The following TWIST2 variants were observed in gnomAD, a reference collection of about 807,000 sequenced individuals.
TWIST2 encodes the protein twist-related protein 2.
Under a neutral mutation model 11.6 loss-of-function variants are expected in TWIST2, and 1 was observed. That is an observed-to-expected ratio of 0.09 (90% CI 0.03 to 0.41). TWIST2 has a LOEUF of 0.41. Among genes scored for constraint, TWIST2 ranks in the 10% least tolerant of loss-of-function variants. The probability of loss-of-function intolerance (pLI) is 0.98; values close to 1 mark genes in which losing one functional copy is unlikely to be tolerated. For missense variants in TWIST2, 168 were observed against 226.4 expected (o/e 0.74, Z 1.66); for synonymous variants, 87 against 96.6 (o/e 0.90, Z 0.58).
At chr2:238,877,658 T>A (rs574581352) in intron 1 of TWIST2, among the ~76,000 whole-genome samples, 1 of 152,358 alleles carries the variant, frequency 6.6e-6, no homozygotes, top group African/African-American at 2.4e-5. Flanking sequence ...GAAAAATCTC[T>A]TAGCTAGAGA....
At chr2:238,874,167 G>A (rs1692763399) in intron 1 of TWIST2, among the ~76,000 whole-genome samples, 1 of 152,180 alleles carries the variant, frequency 6.6e-6, no homozygotes, top group African/African-American at 2.4e-5. Flanking sequence ...ACTCTCCTGA[G>A]AATTTGGGGA....
In TWIST2 at chr2:238,852,405, G is replaced by A. The variant is rs182175055; in HGVS notation, c.*35+3672G>A. On this transcript the variant is annotated intron_variant, in intron 1 of 1. Transcript: ENST00000612363. ...GGAAAGGATAAATGTGCTGCAAAAA[G>A]CAAACCAAATACAGAACTCTCCGCT... Among the ~76,000 whole-genome samples, 508 of 152,198 alleles carry A rather than the reference G, an allele frequency of 3.3e-3. 1 individual carries two copies. Among genetic ancestry groups the A allele is most frequent in the Non-Finnish European group, 6.1e-3 (416 of 68,010 alleles).
At chr2:238,869,408 A>G (rs1692605612) in intron 1 of TWIST2, among the ~76,000 whole-genome samples, 1 of 152,236 alleles carries the variant, frequency 6.6e-6, no homozygotes, top group African/African-American at 2.4e-5. Context: ...CAACAATGAA[A>G]TGACAACCTG....
chr2:238,901,412 C>T (rs1451965480), intron 1 of TWIST2, among the ~76,000 whole-genome samples: 1 of 152,054 alleles, frequency 6.6e-6, no homozygotes, highest in Non-Finnish European at 1.5e-5. Flanking sequence ...GTTTTGTTTC[C>T]TAATGGTTCC....
At chr2:238,893,908 G>A (rs1256436599) in intron 1 of TWIST2, among the ~76,000 whole-genome samples, 1 of 152,122 alleles carries the variant, frequency 6.6e-6, no homozygotes, top group African/African-American at 2.4e-5. Context: ...AGCAGGGGGT[G>A]GTGCTCTCCA....
At chr2:238,899,844 T>C (rs1033423711) in intron 1 of TWIST2, among the ~76,000 whole-genome samples, 23 of 152,206 alleles carry the variant, frequency 1.5e-4, no homozygotes, top group African/African-American at 5.5e-4. Context: ...CCAAACCGTG[T>C]CATCTTTTTA....
chr2:238,896,764 C>T (rs1355943322), intron 1 of TWIST2, among the ~76,000 whole-genome samples: 6 of 152,228 alleles, frequency 3.9e-5, no homozygotes, highest in Admixed American at 3.3e-4. Flanking sequence ...CACACACACA[C>T]ATGCTCTGGG....
chr2:238,897,805 G>A (rs1346226319), intron 1 of TWIST2, among the ~76,000 whole-genome samples: 1 of 152,238 alleles, frequency 6.6e-6, no homozygotes, highest in African/African-American at 2.4e-5. Flanking sequence ...CAAGCTGGGA[G>A]CCTACCCGGA....
chr2:238,850,879 A>C (rs1692230395), intron 1 of TWIST2, among the ~76,000 whole-genome samples: 1 of 152,218 alleles, frequency 6.6e-6, no homozygotes, highest in African/African-American at 2.4e-5. Flanking sequence ...AAGAGAAAAG[A>C]AATATGGAAA....
chr2:238,853,067 C>CTG (rs1160678184), intron 1 of TWIST2, among the ~76,000 whole-genome samples: 1 of 151,942 alleles, frequency 6.6e-6, no homozygotes, highest in Non-Finnish European at 1.5e-5. Context: ...AAGTGGTTCC[C>CTG]TGTAAGTCTT....
intron 1 of TWIST2, among the ~76,000 whole-genome samples, chr2:238,871,630 A>C: frequency 9.8e-5 from 9 of 92,288 alleles, no homozygotes; most frequent in South Asian, 5.2e-4. Flanking sequence ...CACACCCACC[A>C]CACACCCCAC....
At chr2:238,909,803 G>A (rs1449482342) in intron 1 of TWIST2, 39 bp from the exon 2 acceptor site, 2 of 152,244 alleles carry the variant, frequency 1.3e-5, no homozygotes, top group Admixed American at 6.5e-5. Flanking sequence ...GGCCGAGCGA[G>A]GCGGCCGTAG....
At chr2:238,895,551 C>T (rs1321662834) in intron 1 of TWIST2, among the ~76,000 whole-genome samples, 2 of 152,210 alleles carry the variant, frequency 1.3e-5, no homozygotes, top group South Asian at 2.1e-4. Flanking sequence ...GTACTGGGAG[C>T]GGTGGGATGC....
At chr2:238,876,810 T>C (rs755349122) in intron 1 of TWIST2, among the ~76,000 whole-genome samples, 1 of 152,134 alleles carries the variant, frequency 6.6e-6, no homozygotes, top group Non-Finnish European at 1.5e-5. Context: ...ATGTATGCAA[T>C]GAGGCACATC....
chr2:238,861,337 C>T (rs564204054), intron 1 of TWIST2, among the ~76,000 whole-genome samples: 12 of 152,316 alleles, frequency 7.9e-5, no homozygotes, highest in Admixed American at 5.9e-4. Context: ...CTCTCCTTTC[C>T]GGCCACTTCT....
At chr2:238,882,245 G>A (rs1692949408) in intron 1 of TWIST2, among the ~76,000 whole-genome samples, 2 of 152,144 alleles carry the variant, frequency 1.3e-5, no homozygotes, top group African/African-American at 2.4e-5. Flanking sequence ...CTGAGCCTGA[G>A]GGTCTGCTGT....
intron 1 of TWIST2, among the ~76,000 whole-genome samples, chr2:238,905,870 C>T (rs1403028086): frequency 3.3e-5 from 5 of 149,798 alleles, no homozygotes; most frequent in Admixed American, 6.6e-5. Context: ...TGTGTGCGTG[C>T]GTGTGTGTGC....
intron 1 of TWIST2, among the ~76,000 whole-genome samples, chr2:238,902,495 TGTGA>T (rs1248480269): frequency 1.4e-5 from 2 of 142,912 alleles, no homozygotes; most frequent in Non-Finnish European, 3.1e-5. Context: ...TGATGTGGAG[TGTGA>T]GTGATGTAGG....
intron 1 of TWIST2, among the ~76,000 whole-genome samples, chr2:238,905,802 A>G (rs1363193490): frequency 6.6e-6 from 1 of 152,176 alleles, no homozygotes; most frequent in Non-Finnish European, 1.5e-5. Context: ...CCACTTAAAA[A>G]AGGCTTAAAT....
Sources: allele counts gnomAD v4.1 joint callset (sites outside exome capture counted in the v4.1 genomes callset), GRCh38; gene constraint gnomAD v4.1.1; transcripts MANE v1.5; gene names NCBI Gene and HGNC (gene_info 2026-07-23, HGNC 2026-07-21).